Variants in ATRNL1 observed in about 807,000 individuals in gnomAD.
ATRNL1 encodes attractin-like protein 1.
A neutral mutation model predicts 182.7 loss-of-function variants in ATRNL1; 95 were observed. The ratio of observed to expected loss-of-function variants is 0.52; its 90% confidence interval spans 0.44 to 0.62. The LOEUF (loss-of-function observed/expected upper bound fraction) is 0.62, where lower values mean the gene tolerates loss of function less well. ATRNL1 is among the 20% of genes least tolerant of loss of function. The pLI is 0.00. For missense variants in ATRNL1, 1,471 were observed against 1,679.5 expected (o/e 0.88, Z 2.17); for synonymous variants, 576 against 568.3 (o/e 1.01, Z -0.19).
At chr10:115,445,751 A>G (rs1846950038) in intron 21 of ATRNL1, among the ~76,000 whole-genome samples, 1 of 77,644 alleles carries the variant, frequency 1.3e-5, no homozygotes, top group African/African-American at 5.1e-5. Flanking sequence ...AAAGCTGTAC[A>G]TGTCAGCAGT....
At chr10:115,415,333 T>G (rs1845337809) in intron 20 of ATRNL1, among the ~76,000 whole-genome samples, 2 of 152,046 alleles carry the variant, frequency 1.3e-5, no homozygotes. Context: ...ATATCACTTT[T>G]GTGAATTGTC....
intron 24 of ATRNL1, among the ~76,000 whole-genome samples, chr10:115,474,999 T>C (rs1848471740): frequency 6.6e-6 from 1 of 151,336 alleles, no homozygotes; most frequent in Non-Finnish European, 1.5e-5. Context: ...AGCCATTGTC[T>C]AATAGAAAAA....
intron 27 of ATRNL1, among the ~76,000 whole-genome samples, chr10:115,785,393 C>T (rs1198458147): frequency 6.6e-6 from 1 of 152,194 alleles, no homozygotes; most frequent in Non-Finnish European, 1.5e-5. Context: ...ATCCGTGGCT[C>T]CACCCTTAGA....
At position 115,566,108 on chromosome 10, in the gene ATRNL1, T is replaced by A. The variant is rs60556924; in HGVS notation, c.3795+16572T>A. On this transcript the variant is annotated intron_variant, in intron 26 of 28. Transcript: ENST00000355044. Reference sequence around the variant, plus strand: ...GTTTTCTTTTTTTCATTCTTTTTTTTATTATTATTGGAGATGGTGTCTTGC... The same window carrying A: ...GTTTTCTTTTTTTCATTCTTTTTTTAATTATTATTGGAGATGGTGTCTTGC... 3.2e-3 allele frequency among the ~76,000 whole-genome samples: 484 copies of A among 152,204 alleles called. 1 individual carries two copies. Among genetic ancestry groups the A allele is most frequent in the African/African-American group, 0.011 (447 of 41,540 alleles).
chr10:115,337,215 A>G (rs942262123), intron 19 of ATRNL1, among the ~76,000 whole-genome samples: 33 of 152,194 alleles, frequency 2.2e-4, no homozygotes, highest in Non-Finnish European at 3.4e-4. Context: ...GTGGGTACAT[A>G]GTAGGTGTAT....
chr10:115,328,949 A>G (rs1327338758), intron 18 of ATRNL1, among the ~76,000 whole-genome samples: 2 of 152,154 alleles, frequency 1.3e-5, no homozygotes, highest in Non-Finnish European at 2.9e-5. Context: ...ATGTCTCTTC[A>G]ACATACTGAT....
intron 24 of ATRNL1, among the ~76,000 whole-genome samples, chr10:115,481,376 C>T (rs1254517164): frequency 4.0e-5 from 6 of 150,488 alleles, no homozygotes; most frequent in African/African-American, 1.5e-4. Context: ...GCACATATGT[C>T]CCCAAATTAA....
intron 19 of ATRNL1, among the ~76,000 whole-genome samples, chr10:115,375,332 C>T (rs1479851801): frequency 6.6e-6 from 1 of 151,724 alleles, no homozygotes; most frequent in African/African-American, 2.4e-5. Flanking sequence ...TATCATTTTC[C>T]ATCCCTTCAC....
chr10:115,772,974 A>G (rs1454383839), intron 27 of ATRNL1, among the ~76,000 whole-genome samples: 1 of 152,184 alleles, frequency 6.6e-6, no homozygotes, highest in Non-Finnish European at 1.5e-5. Flanking sequence ...ACCACAGCCA[A>G]TAGGCGGTTT....
intron 26 of ATRNL1, among the ~76,000 whole-genome samples, chr10:115,620,615 T>C (rs1432836772): frequency 6.6e-6 from 1 of 152,208 alleles, no homozygotes; most frequent in Non-Finnish European, 1.5e-5. Context: ...AAAGATTTAC[T>C]CAAAGCATGT....
chr10:115,381,105 G>T (rs1412399158), intron 19 of ATRNL1, among the ~76,000 whole-genome samples: 1 of 151,956 alleles, frequency 6.6e-6, no homozygotes. Context: ...TGATCTCATT[G>T]GAGTTTTGAT....
At chr10:115,901,587 C>T (rs1952353307) in intron 28 of ATRNL1, among the ~76,000 whole-genome samples, 1 of 151,702 alleles carries the variant, frequency 6.6e-6, no homozygotes, top group Admixed American at 6.6e-5. Context: ...CTCACTGTCC[C>T]TTTTATGCTT....
chr10:115,608,601 C>A (rs1363045848), intron 26 of ATRNL1, among the ~76,000 whole-genome samples: 5 of 151,910 alleles, frequency 3.3e-5, no homozygotes, highest in Non-Finnish European at 5.9e-5. Flanking sequence ...CATACATGGA[C>A]AATGACTAGA....
intron 9 of ATRNL1, among the ~76,000 whole-genome samples, chr10:115,237,357 G>A (rs1178016677): frequency 6.6e-6 from 1 of 152,122 alleles, no homozygotes; most frequent in African/African-American, 2.4e-5. Flanking sequence ...TCCCAGCAGC[G>A]ATGAATGAGA....
intron 17 of ATRNL1, among the ~76,000 whole-genome samples, chr10:115,302,485 TC>T (rs1853522760): frequency 1.3e-5 from 2 of 152,318 alleles, no homozygotes; most frequent in African/African-American, 4.8e-5. Context: ...GTCTAATTTT[TC>T]CCTCATGATT....
At chr10:115,590,908 G>A (rs1418595657) in intron 26 of ATRNL1, among the ~76,000 whole-genome samples, 2 of 152,068 alleles carry the variant, frequency 1.3e-5, no homozygotes, top group Non-Finnish European at 1.5e-5. Context: ...AGGTTTTCTG[G>A]GAACAACTCC....
intron 17 of ATRNL1, among the ~76,000 whole-genome samples, chr10:115,312,535 G>A (rs970099847): frequency 6.6e-6 from 1 of 152,082 alleles, no homozygotes; most frequent in South Asian, 2.1e-4. Context: ...AGTGCTCTTA[G>A]AATTCTTTTA....
intron 8 of ATRNL1, among the ~76,000 whole-genome samples, chr10:115,187,819 C>T (rs1223521865): frequency 1.3e-5 from 2 of 151,054 alleles, no homozygotes; most frequent in Non-Finnish European, 3.0e-5. Flanking sequence ...GTAGCTGGGA[C>T]TACAGGTGCG....
chr10:115,544,106 A>G (rs1320377943), intron 25 of ATRNL1, among the ~76,000 whole-genome samples: 2 of 152,330 alleles, frequency 1.3e-5, no homozygotes, highest in African/African-American at 2.4e-5. Flanking sequence ...GAAAGAAAGC[A>G]GTAGATACTT....
Sources: gnomAD v4.1 joint callset for allele counts (sites outside exome capture counted in the v4.1 genomes callset) on GRCh38, gnomAD v4.1.1 for gene constraint, MANE v1.5 for transcripts, NCBI Gene and HGNC (gene_info 2026-07-23, HGNC 2026-07-21) for gene names.